Variants in PPM1L observed in about 807,000 individuals in gnomAD.
PPM1L encodes the protein protein phosphatase, Mg2+/Mn2+ dependent 1L.
A neutral mutation model predicts 31.4 loss-of-function variants in PPM1L; 13 were observed. That is an observed-to-expected ratio of 0.41 (90% confidence interval 0.27 to 0.66). The LOEUF (loss-of-function observed/expected upper bound fraction) is 0.66. PPM1L is among the 30% of genes least tolerant of loss of function. The pLI is 0.29. For missense variants in PPM1L, 326 were observed against 453.7 expected (o/e 0.72, Z 2.56); for synonymous variants, 184 against 175.4 (o/e 1.05, Z -0.39).
intron 2 of PPM1L, among the ~76,000 whole-genome samples, chr3:161,056,789 C>T (rs540331415): frequency 6.6e-6 from 1 of 152,126 alleles, no homozygotes; most frequent in South Asian, 2.1e-4. Flanking sequence ...TGGGCCGGCA[C>T]GTTGGCTCAC....
chr3:160,901,679 T>G (rs1713547001), intron 1 of PPM1L, among the ~76,000 whole-genome samples: 1 of 152,216 alleles, frequency 6.6e-6, no homozygotes, highest in South Asian at 2.1e-4. Flanking sequence ...CCTCATATGA[T>G]GTAGCTCCTT....
intron 1 of PPM1L, among the ~76,000 whole-genome samples, chr3:160,940,438 G>A (rs190816431): frequency 4.1e-3 from 622 of 152,250 alleles, no homozygotes; most frequent in Non-Finnish European, 7.0e-3. Context: ...CTGGAGGCCC[G>A]GGAGGAAAAA....
chr3:160,928,316 C>T (rs1160418861), intron 1 of PPM1L, among the ~76,000 whole-genome samples: 2 of 152,186 alleles, frequency 1.3e-5, no homozygotes, highest in Non-Finnish European at 2.9e-5. Flanking sequence ...AGACTGCACA[C>T]CCATCCTGAC....
chr3:160,996,327 G>T (rs1717322722), intron 2 of PPM1L, among the ~76,000 whole-genome samples: 1 of 152,128 alleles, frequency 6.6e-6, no homozygotes, highest in African/African-American at 2.4e-5. Flanking sequence ...ATACGAAAAA[G>T]ATACTTGCAC....
intron 1 of PPM1L, among the ~76,000 whole-genome samples, chr3:160,881,786 T>C (rs961828800): frequency 4.6e-5 from 7 of 152,202 alleles, no homozygotes; most frequent in African/African-American, 1.7e-4. Flanking sequence ...GCGCGGTGGC[T>C]CACGCCTGTA....
At chr3:160,897,738 T>G (rs760643985) in intron 1 of PPM1L, among the ~76,000 whole-genome samples, 2 of 152,252 alleles carry the variant, frequency 1.3e-5, no homozygotes, top group Non-Finnish European at 2.9e-5. Context: ...GATAATTAGA[T>G]AGACTGCCAG....
At chr3:161,009,982 TGTTA>T (rs1054660180) in intron 2 of PPM1L, among the ~76,000 whole-genome samples, 23 of 152,224 alleles carry the variant, frequency 1.5e-4, no homozygotes, top group Middle Eastern at 3.4e-3. Context: ...AAAATATCCA[TGTTA>T]GTTGTTTTTA....
chr3:160,846,820 C>T (rs1714091619), intron 1 of PPM1L, among the ~76,000 whole-genome samples: 1 of 152,244 alleles, frequency 6.6e-6, no homozygotes, highest in South Asian at 2.1e-4. Flanking sequence ...GCAACTGTTA[C>T]CCCTATCTAA....
intron 1 of PPM1L, among the ~76,000 whole-genome samples, chr3:160,840,916 C>T (rs76356248): frequency 0.032 from 4,857 of 152,218 alleles, 242 homozygotes; most frequent in African/African-American, 0.11. Context: ...GGAGGATCTT[C>T]CTTATTGAGT....
chr3:160,901,719 A>G (rs1351425370), intron 1 of PPM1L, among the ~76,000 whole-genome samples: 1 of 152,176 alleles, frequency 6.6e-6, no homozygotes, highest in Non-Finnish European at 1.5e-5. Flanking sequence ...CTGTGGGGAT[A>G]GGCAAAATGC....
intron 2 of PPM1L, among the ~76,000 whole-genome samples, chr3:161,046,503 C>A (rs1448660764): frequency 6.6e-6 from 1 of 152,082 alleles, no homozygotes; most frequent in Non-Finnish European, 1.5e-5. Context: ...CGAATTCTAC[C>A]AGAGGTACAA....
intron 1 of PPM1L, among the ~76,000 whole-genome samples, chr3:160,901,021 A>T (rs1013191272): frequency 1.3e-5 from 2 of 151,882 alleles, no homozygotes; most frequent in Non-Finnish European, 2.9e-5. Flanking sequence ...CTATTTCTTG[A>T]CTTGCTTTTG....
intron 1 of PPM1L, among the ~76,000 whole-genome samples, chr3:160,775,245 A>G (rs181066497): frequency 6.6e-6 from 1 of 152,300 alleles, no homozygotes; most frequent in East Asian, 1.9e-4. Context: ...TCTGATTCCA[A>G]AAGCTATCCT....
chr3:160,785,505 T>A (rs1209614349), intron 1 of PPM1L, among the ~76,000 whole-genome samples: 1 of 152,138 alleles, frequency 6.6e-6, no homozygotes, highest in Non-Finnish European at 1.5e-5. Context: ...CTAAAACCCC[T>A]CCCCAGAAGT....
At chr3:161,027,535 CCTT>C (rs1255230135) in intron 2 of PPM1L, among the ~76,000 whole-genome samples, 1 of 152,180 alleles carries the variant, frequency 6.6e-6, no homozygotes, top group Non-Finnish European at 1.5e-5. Context: ...TAGGGAAACT[CCTT>C]CTTATAGAAC....
At chr3:160,779,156 G>A (rs1199338720) in intron 1 of PPM1L, among the ~76,000 whole-genome samples, 2 of 150,054 alleles carry the variant, frequency 1.3e-5, no homozygotes, top group African/African-American at 4.9e-5. Context: ...ATTAGACAAA[G>A]ATCTTGAAGC....
chr3:160,799,166 A>G (rs1223162692), intron 1 of PPM1L, among the ~76,000 whole-genome samples: 1 of 152,236 alleles, frequency 6.6e-6, no homozygotes, highest in African/African-American at 2.4e-5. Flanking sequence ...AAATGACAAC[A>G]AAGGATTTAG....
intron 1 of PPM1L, among the ~76,000 whole-genome samples, chr3:160,955,420 T>A (rs923243823): frequency 3.3e-5 from 5 of 152,180 alleles, no homozygotes; most frequent in Non-Finnish European, 7.3e-5. Context: ...AAAGGCTGTT[T>A]AGCACCTAAC....
chr3:160,757,350 A>ATTTTAC (rs1714838424), intron 1 of PPM1L, among the ~76,000 whole-genome samples: 1 of 152,248 alleles, frequency 6.6e-6, no homozygotes, highest in African/African-American at 2.4e-5. Flanking sequence ...CGGGACCTAG[A>ATTTTAC]TGTCCCTGGC....
Sources: allele counts gnomAD v4.1 joint callset (sites outside exome capture counted in the v4.1 genomes callset), GRCh38; gene constraint gnomAD v4.1.1; transcripts MANE v1.5; gene names NCBI Gene and HGNC (gene_info 2026-07-23, HGNC 2026-07-21).